DMD: variants seen among roughly 807,000 people sequenced by gnomAD.
DMD encodes the protein mutant dystrophin.
In DMD, 63 loss-of-function variants were observed where a neutral mutation model predicts 330.1. That is an observed-to-expected ratio of 0.19 (90% CI 0.16 to 0.24). The LOEUF (loss-of-function observed/expected upper bound fraction) is 0.24, where lower values mean the gene tolerates loss of function less well. Among genes scored for constraint, DMD ranks in the 10% least tolerant of loss-of-function variants. The pLI, the probability that DMD is intolerant of heterozygous loss-of-function variation, is 1.00. For synonymous variants in DMD, 1,223 were observed against 959.8 expected, an observed-to-expected ratio of 1.27 and a Z score of -5.07; for missense variants, 3,344 against 2,684.1, an observed-to-expected ratio of 1.25 and a Z score of -5.43.
chrX:32,502,073 C>A (rs1427257183), intron 18 of DMD, among the ~76,000 whole-genome samples: 1 of 111,623 alleles, frequency 9.0e-6, no homozygotes, highest in East Asian at 2.8e-4. Context: ...GATTTCTACT[C>A]AGCTTTTTTT....
intron 60 of DMD, among the ~76,000 whole-genome samples, chrX:31,351,986 G>C (rs925534281): frequency 1.8e-5 from 2 of 110,060 alleles, no homozygotes; most frequent in Admixed American, 9.7e-5. Flanking sequence ...GGCAGAGCTA[G>C]GATTCAAACT....
intron 44 of DMD, among the ~76,000 whole-genome samples, chrX:32,017,314 G>A (rs1403312310): frequency 8.9e-6 from 1 of 111,993 alleles, no homozygotes; most frequent in Non-Finnish European, 1.9e-5. Flanking sequence ...CCAAGGTAAG[G>A]GAGATAAAAG....
chrX:32,439,962 A>C (rs2098275404), intron 28 of DMD, among the ~76,000 whole-genome samples: 2 of 110,837 alleles, frequency 1.8e-5, no homozygotes, highest in Admixed American at 1.9e-4. Flanking sequence ...ATCTTTTCTA[A>C]ATGCTCTTCA....
chrX:31,200,202 C>A (rs966363646), intron 67 of DMD, among the ~76,000 whole-genome samples: 1 of 111,573 alleles, frequency 9.0e-6, no homozygotes, highest in African/African-American at 3.3e-5. Context: ...AATTCCTCTT[C>A]CCCCTCAAGG....
chrX:32,656,573 G>C (rs1357646112), intron 9 of DMD, among the ~76,000 whole-genome samples: 1 of 111,963 alleles, frequency 8.9e-6, no homozygotes, highest in Non-Finnish European at 1.9e-5. Flanking sequence ...TTATATGTGA[G>C]TTTAAAATAA....
At chrX:32,714,006 C>T (rs947946104) in intron 7 of DMD, among the ~76,000 whole-genome samples, 2 of 111,772 alleles carry the variant, frequency 1.8e-5, no homozygotes, top group Admixed American at 9.5e-5. Context: ...CTGAATATAT[C>T]GTGTAATGCA....
rs748841576 is a variant in DMD, at chrX:31,767,134, G to T, written c.7542+6826C>A. ...GTACATTTGTTGGAAGATAATTAAA[G>T]CACAAAATTTGTAAATATCTTCAGC... On this transcript the variant is annotated intron_variant, in intron 51 of 78. Coordinates refer to ENST00000357033, the MANE Select transcript of DMD (RefSeq NM_004006.3). Among the ~76,000 whole-genome samples the T allele has an allele frequency of 8.1e-5, 9 of 111,730 alleles. No homozygotes were observed. In the South Asian group the frequency reaches 3.4e-3, roughly 42 times the overall value.
At chrX:32,462,679 G>A (rs1047540818) in intron 25 of DMD, among the ~76,000 whole-genome samples, 1 of 110,858 alleles carries the variant, frequency 9.0e-6, no homozygotes, top group African/African-American at 3.3e-5. Context: ...ATGTCAGCCA[G>A]GTGTGGTAAC....
Position 33,010,096 on chromosome X carries a change from A to G in DMD, c.93+10043T>C, listed in dbSNP as rs754902032. On this transcript the variant is annotated intron_variant, in intron 2 of 78. Transcript: ENST00000357033. The stretch of plus-strand genomic sequence containing the variant: ...CAAATGTGCACATGTGTATATATAC[A>G]TGTATATGCACATATGTGCACATGT... Among the ~76,000 whole-genome samples, 54 of 89,001 alleles carry G rather than the reference A, an allele frequency of 6.1e-4. 3 individuals are homozygous for G. The highest frequency in any genetic ancestry group is 2.4e-3 in the African/African-American group (45 of 18,904). The allele number at this position is 89,001 out of a possible 115,157, so 77.3% of individuals were successfully genotyped here.
At chrX:32,841,365 A>G (rs1004307499) in intron 4 of DMD, among the ~76,000 whole-genome samples, 1 of 112,262 alleles carries the variant, frequency 8.9e-6, no homozygotes, top group Non-Finnish European at 1.9e-5. Context: ...GGAAAAGATT[A>G]CAAAACAAAT....
At chrX:33,024,514 T>G (rs1160067509) in intron 1 of DMD, among the ~76,000 whole-genome samples, 1 of 112,026 alleles carries the variant, frequency 8.9e-6, no homozygotes, top group Non-Finnish European at 1.9e-5. Context: ...CATATAAAAT[T>G]AGCTTTCTAA....
chrX:31,478,424 C>T, intron 58 of DMD, 50 bp from the exon 59 acceptor site: 1 of 1,200,612 alleles, frequency 8.3e-7, no homozygotes, highest in Non-Finnish European at 1.1e-6. Flanking sequence ...TTTTTTTAAA[C>T]ATTGTCAAAA....
chrX:32,184,073 C>T (rs371975691), intron 44 of DMD, among the ~76,000 whole-genome samples: 1 of 110,024 alleles, frequency 9.1e-6, no homozygotes, highest in East Asian at 2.9e-4. Flanking sequence ...TTGTAAATAT[C>T]GATATCTTAA....
intron 1 of DMD, among the ~76,000 whole-genome samples, chrX:33,198,680 G>A (rs912630660): frequency 9.0e-5 from 10 of 111,287 alleles, no homozygotes; most frequent in African/African-American, 2.6e-4. Context: ...GTAATAAAGT[G>A]GTGAGCAAGA....
chrX:32,706,692 T>C (rs1165532913), intron 7 of DMD, among the ~76,000 whole-genome samples: 1 of 112,163 alleles, frequency 8.9e-6, no homozygotes, highest in East Asian at 2.8e-4. Flanking sequence ...CTGAAAACTA[T>C]TTGAGCGTTC....
At chrX:33,221,168 T>G (rs2052167522) in intron 1 of DMD, among the ~76,000 whole-genome samples, 2 of 111,757 alleles carry the variant, frequency 1.8e-5, no homozygotes, top group South Asian at 7.4e-4. Context: ...GTGTATTTAT[T>G]TATGAAACAT....
chrX:32,932,728 G>A (rs948923512), intron 2 of DMD, among the ~76,000 whole-genome samples: 20 of 111,757 alleles, frequency 1.8e-4, no homozygotes, highest in African/African-American at 6.5e-4. Context: ...CGAAAAGGCT[G>A]GAGAATATCA....
In DMD at chrX:31,464,918, G is replaced by A. The variant is rs186497062; in HGVS notation, c.8937+13188C>T. Among the ~76,000 whole-genome samples, 6 of 112,421 alleles carry A rather than the reference G, an allele frequency of 5.3e-5. No homozygotes were observed. In the East Asian group the frequency reaches 8.4e-4, roughly 16 times the overall value. On this transcript the variant is annotated intron_variant, in intron 59 of 78. Coordinates refer to ENST00000357033, the MANE Select transcript of DMD (RefSeq NM_004006.3). ...AGCAGATGTCTGAAACAATTACTCC[G>A]CTCTGCCTTTTCAGAAGTTTCAAAG...
chrX:33,015,410 G>C (rs1026340671), intron 2 of DMD, among the ~76,000 whole-genome samples: 5 of 111,054 alleles, frequency 4.5e-5, no homozygotes, highest in African/African-American at 1.6e-4. Context: ...AATGATGCAG[G>C]AACAGAAAAC....
Sources: gnomAD v4.1 joint callset for allele counts (sites outside exome capture counted in the v4.1 genomes callset) on GRCh38, gnomAD v4.1.1 for gene constraint, MANE v1.5 for transcripts, NCBI Gene and HGNC (gene_info 2026-07-23, HGNC 2026-07-21) for gene names.